The following PXDN variants were observed in gnomAD, a reference collection of about 807,000 sequenced individuals.
PXDN encodes the protein peroxidasin.
A neutral mutation model predicts 140.3 loss-of-function variants in PXDN; 77 were observed. That is an observed-to-expected ratio of 0.55 (90% confidence interval 0.46 to 0.66). The LOEUF (loss-of-function observed/expected upper bound fraction) is 0.66, where lower values mean the gene tolerates loss of function less well. Among genes scored for constraint, PXDN ranks in the 30% least tolerant of loss-of-function variants. The pLI is 0.00. For missense variants in PXDN, 1,838 were observed against 2,039.5 expected (o/e 0.90, Z 1.90); for synonymous variants, 911 against 857.4 (o/e 1.06, Z -1.09).
intron 12 of PXDN, among the ~76,000 whole-genome samples, chr2:1,662,974 C>A (rs539282513): frequency 6.6e-6 from 1 of 152,232 alleles, no homozygotes; most frequent in Admixed American, 6.5e-5. Flanking sequence ...CATGCTAACA[C>A]TGGAGTTAGC....
chr2:1,726,590 T>G (rs551680454), intron 1 of PXDN, among the ~76,000 whole-genome samples: 1 of 152,182 alleles, frequency 6.6e-6, no homozygotes, highest in South Asian at 2.1e-4. Flanking sequence ...AATAATAAAA[T>G]AAAAAAGAAA....
chr2:1,712,596 T>A (rs546090214), intron 1 of PXDN, among the ~76,000 whole-genome samples: 1 of 152,258 alleles, frequency 6.6e-6, no homozygotes, highest in Non-Finnish European at 1.5e-5. Flanking sequence ...CAGCAGCGAA[T>A]CCCCAGGGAC....
At position 1,685,758 on chromosome 2, in the gene PXDN, G is replaced by A. The variant is rs1046246730; in HGVS notation, c.417-1607C>T. 2.6e-5 allele frequency among the ~76,000 whole-genome samples: 4 copies of A among 151,718 alleles called. No individual in the cohort carries two copies. Among genetic ancestry groups the A allele is most frequent in the African/African-American group, 9.7e-5 (4 of 41,236 alleles). Reference sequence around the variant, plus strand: ...CTGCACAGGTGCTACGGGAAATGACGGCCCAGGGTGCACAGGATCTTAGAG... The same window carrying A: ...CTGCACAGGTGCTACGGGAAATGACAGCCCAGGGTGCACAGGATCTTAGAG... On this transcript the variant is annotated intron_variant, in intron 4 of 22. Transcript: ENST00000252804. This position sits in a 1 kb window ranked among gnomAD's most constrained non-coding sequence, Gnocchi z 5.1.
intron 14 of PXDN, among the ~76,000 whole-genome samples, chr2:1,658,730 G>A (rs1683229520): frequency 6.6e-6 from 1 of 151,588 alleles, no homozygotes; most frequent in Non-Finnish European, 1.5e-5. Flanking sequence ...GGACCCCCAG[G>A]ACTGCCCCAG....
intron 1 of PXDN, among the ~76,000 whole-genome samples, chr2:1,732,547 C>A (rs990646730): frequency 3.9e-5 from 6 of 152,164 alleles, no homozygotes; most frequent in African/African-American, 1.4e-4. Flanking sequence ...AAGGGCCTTG[C>A]CTCAGTTGTT....
chr2:1,648,158 C>A lies in PXDN; in HGVS notation c.3608+14G>T. 1 of 1,606,580 alleles carries A rather than the reference C, an allele frequency of 6.2e-7. No homozygotes were observed. The highest frequency in any genetic ancestry group is 8.5e-7 in the Non-Finnish European group (1 of 1,174,774). On this transcript the variant is annotated intron_variant, in intron 17 of 22. Transcript: ENST00000252804. This position sits in a 1 kb window ranked among gnomAD's most constrained non-coding sequence, Gnocchi z 8.9. ...TAGGTACACGAGCCATCCCACACAGCCTCTTCAGCTCACCTTTTCAGTTTC... is the reference window on the plus strand; with the variant it reads ...TAGGTACACGAGCCATCCCACACAGACTCTTCAGCTCACCTTTTCAGTTTC...
chr2:1,667,271 T>G (rs1470538247), intron 9 of PXDN, among the ~76,000 whole-genome samples: 1 of 152,084 alleles, frequency 6.6e-6, no homozygotes, highest in African/African-American at 2.4e-5. Context: ...GTTAATCGGT[T>G]TGACAAATGG....
At chr2:1,730,522 G>A (rs1685288345) in intron 1 of PXDN, among the ~76,000 whole-genome samples, 1 of 152,170 alleles carries the variant, frequency 6.6e-6, no homozygotes, top group Non-Finnish European at 1.5e-5. Context: ...GAAGAGCCGG[G>A]GCTCCTTGGC....
At chr2:1,712,789 A>G (rs1684814071) in intron 1 of PXDN, among the ~76,000 whole-genome samples, 1 of 152,078 alleles carries the variant, frequency 6.6e-6, no homozygotes, top group Non-Finnish European at 1.5e-5. Flanking sequence ...CAGTGGTGCA[A>G]TCTCGGCTCC....
chr2:1,697,627 T>C (rs1195130236), intron 1 of PXDN, among the ~76,000 whole-genome samples: 5 of 152,162 alleles, frequency 3.3e-5, no homozygotes, highest in African/African-American at 4.8e-5. Context: ...GGGGAAAAAC[T>C]TCCCCCAAAT....
chr2:1,635,664 A>C (rs1682534052), intron 21 of PXDN, 143 bp from the exon 22 acceptor site: 2 of 724,654 alleles, frequency 2.8e-6, no homozygotes, highest in Admixed American at 4.1e-5. Flanking sequence ...ACTTTTACAG[A>C]ATCTCCAATG....
intron 1 of PXDN, among the ~76,000 whole-genome samples, chr2:1,705,529 G>C (rs1684577881): frequency 6.8e-6 from 1 of 147,768 alleles, no homozygotes; most frequent in African/African-American, 2.5e-5. Context: ...AGGGTACAGA[G>C]TGCAGCTGCC....
chr2:1,657,036 A>G (rs1683156502), intron 14 of PXDN, among the ~76,000 whole-genome samples: 1 of 143,336 alleles, frequency 7.0e-6, no homozygotes, highest in Middle Eastern at 4.4e-3. Context: ...CCCTGCTGAC[A>G]GGGACTGACC....
intron 7 of PXDN, among the ~76,000 whole-genome samples, chr2:1,679,661 A>G (rs200543382): frequency 8.0e-6 from 1 of 124,380 alleles, no homozygotes; most frequent in East Asian, 2.6e-4. Flanking sequence ...GTGTGTGTAA[A>G]TGGTGTGTGT....
rs1246068610 is a variant in PXDN at position 1,684,131 on chromosome 2, A to T, written c.437T>A (p.Ile146Lys). The T allele has an allele frequency of 6.3e-7, 1 of 1,584,516 alleles. No individual in the cohort carries two copies. ...LEQLYLHFNQ[I>K]ETLDPDSFQH... is the part of the protein sequence containing the mutation. Reference sequence around the variant, plus strand: ...GAACGAATCTGGGTCCAAAGTTTCTATCTGATTAAAGTGCAGGTATCTAGA... The same window carrying T: ...GAACGAATCTGGGTCCAAAGTTTCTTTCTGATTAAAGTGCAGGTATCTAGA... The change falls in exon 5 of 23, where the codon ATA becomes AAA. Residue 146 changes from isoleucine (I) to lysine (K), a missense_variant. Ile to Lys is a moderately radical substitution (Grantham distance 102). Around this residue, in one of 5 missense-constraint regions of PXDN, gnomAD observed 231 missense variants for 201.5 expected, o/e 1.15. Transcript: ENST00000252804.
intron 21 of PXDN, chr2:1,636,913 A>G (rs1244575658): frequency 6.6e-6 from 1 of 152,212 alleles, no homozygotes; most frequent in African/African-American, 2.4e-5. Flanking sequence ...CTCTGCACAC[A>G]TGGGGTGCAG....
At chr2:1,637,495 G>A (rs1259647853) in intron 21 of PXDN, among the ~76,000 whole-genome samples, 4 of 152,186 alleles carry the variant, frequency 2.6e-5, no homozygotes, top group African/African-American at 2.4e-5. Flanking sequence ...ACAGCTGCTG[G>A]GGGATGTGCA....
At chr2:1,653,582 C>G in intron 16 of PXDN, 46 bp downstream of exon 16, 1 of 1,602,614 alleles carries the variant, frequency 6.2e-7, no homozygotes, top group Non-Finnish European at 8.5e-7. Context: ...GTGTTCAACC[C>G]CGTTACTCAG....
chr2:1,739,369 C>T (rs930445712), intron 1 of PXDN, among the ~76,000 whole-genome samples: 2 of 152,054 alleles, frequency 1.3e-5, no homozygotes, highest in African/African-American at 2.4e-5. Flanking sequence ...CACAGCATGT[C>T]GACCCTGGAT....
Sources: allele counts gnomAD v4.1 joint callset (sites outside exome capture counted in the v4.1 genomes callset), GRCh38; gene constraint gnomAD v4.1.1; regional missense constraint gnomAD v4.1.1; non-coding constraint Gnocchi (gnomAD v3.1); transcripts MANE v1.5; gene names NCBI Gene and HGNC (gene_info 2026-07-23, HGNC 2026-07-21).